SEZ6L2: variants seen among roughly 807,000 people sequenced by gnomAD.
SEZ6L2 encodes seizure 6-like protein 2.
A neutral mutation model predicts 97.0 loss-of-function variants in SEZ6L2; 44 were observed. The ratio of observed to expected loss-of-function variants is 0.45; its 90% CI spans 0.36 to 0.58. The LOEUF (loss-of-function observed/expected upper bound fraction) is 0.58. Ranked by LOEUF, SEZ6L2 falls within the 20% of genes least tolerant of loss-of-function variation. The pLI, the probability that SEZ6L2 is intolerant of heterozygous loss-of-function variation, is 0.00. For synonymous variants in SEZ6L2, 543 were observed against 546.1 expected, an observed-to-expected ratio of 0.99 and a Z score of 0.08; for missense variants, 1,086 against 1,233.3, an observed-to-expected ratio of 0.88 and a Z score of 1.79.
chr16:29,894,863 G>A (rs2068346226), intron 5 of SEZ6L2, among the ~76,000 whole-genome samples: 1 of 152,070 alleles, frequency 6.6e-6, no homozygotes. Flanking sequence ...TCGGCACCCT[G>A]TGCTTCGATG....
Position 29,885,654 on chromosome 16 carries a change from T to A in SEZ6L2, c.1304A>T (p.Gln435Leu). The A allele has an allele frequency of 6.2e-7, 1 of 1,614,056 alleles. No individual in the cohort carries two copies. The highest frequency in any genetic ancestry group is 1.1e-5 in the South Asian group (1 of 91,074). ...TGACAGCAGCTCCACGTAGAGGGACTGGGCGTCACTGATGAGACCCCGCTC... is the reference window on the plus strand; with the variant it reads ...TGACAGCAGCTCCACGTAGAGGGACAGGGCGTCACTGATGAGACCCCGCTC... ...VPERGLISDA[Q>L]SLYVELLSET... The change falls in exon 8 of 18, where the codon CAG (glutamine) becomes CTG (leucine). Residue 435 changes from glutamine (Q) to leucine (L), a missense_variant. By Grantham distance (113) the Gln-to-Leu change is moderately radical. Coordinates refer to ENST00000617533, the MANE Select transcript of SEZ6L2 (RefSeq NM_001243332.2).
At chr16:29,884,693 C>G (rs1362859170) in intron 8 of SEZ6L2, among the ~76,000 whole-genome samples, 1 of 151,906 alleles carries the variant, frequency 6.6e-6, no homozygotes, top group African/African-American at 2.4e-5. Flanking sequence ...GCGGGCAGAT[C>G]ACCTGAGTTC....
At chr16:29,888,996 A>T (rs1483823097) in intron 5 of SEZ6L2, among the ~76,000 whole-genome samples, 1 of 152,142 alleles carries the variant, frequency 6.6e-6, no homozygotes, top group East Asian at 1.9e-4. Flanking sequence ...GGTTCAAACA[A>T]GTTATTCTGG....
At chr16:29,885,867 G>A (rs534290304) in intron 7 of SEZ6L2, 118 bp from the exon 8 acceptor site, 35 of 965,914 alleles carry the variant, frequency 3.6e-5, no homozygotes, top group Admixed American at 2.9e-4. Context: ...TATATGCCAC[G>A]CACTCTTCTA....
chr16:29,877,350 G>A lies in SEZ6L2; in HGVS notation c.1830C>T (p.Pro610=), dbSNP rs530572484. ...QPRRRLLSSG[P]DLTLQFQAPP... is the part of the protein sequence containing the mutation. Reference sequence around the variant, plus strand: ...GTGCCTGAAACTGCAGTGTGAGGTCGGGCCCAGAGGAGAGAAGGCGGCGGC... The same window carrying A: ...GTGCCTGAAACTGCAGTGTGAGGTCAGGCCCAGAGGAGAGAAGGCGGCGGC... The change falls in exon 11 of 18, where the codon CCC becomes CCT. Residue 610 remains proline (P), a synonymous_variant. Transcript: ENST00000617533. 1.2e-6 allele frequency: 2 copies of A among 1,613,534 alleles called. No individual in the cohort carries two copies. Among genetic ancestry groups the A allele is most frequent in the African/African-American group, 1.3e-5 (1 of 75,052 alleles).
intron 5 of SEZ6L2, among the ~76,000 whole-genome samples, chr16:29,889,104 T>A (rs998921028): frequency 6.6e-6 from 1 of 152,136 alleles, no homozygotes; most frequent in Non-Finnish European, 1.5e-5. Flanking sequence ...CTTGTTCAGC[T>A]CCCAAAGTGA....
chr16:29,893,292 C>T (rs2068310573), intron 5 of SEZ6L2, among the ~76,000 whole-genome samples: 1 of 151,872 alleles, frequency 6.6e-6, no homozygotes, highest in Admixed American at 6.6e-5. Context: ...CCATTGCATT[C>T]CAGCCTGGCC....
rs759248195 is a variant in SEZ6L2 at position 29,877,368 on chromosome 16, G to A, written c.1812C>T (p.Arg604=). The stretch of plus-strand genomic sequence containing the variant: ...TGAGGTCGGGCCCAGAGGAGAGAAG[G>A]CGGCGGCGCGGCTGAGGTCCCCGCA... ...AQLRGPQPRR[R]LLSSGPDLTL... is the part of the protein sequence containing the mutation. The change falls in exon 11 of 18, where the codon CGC becomes CGT. Residue 604 remains arginine, a synonymous_variant. Coordinates refer to ENST00000617533, the MANE Select transcript of SEZ6L2 (RefSeq NM_001243332.2). The A allele has an allele frequency of 5.6e-6, 9 of 1,612,952 alleles. No homozygotes were observed. The Middle Eastern group carries it at 5.0e-4, about 89-fold the overall frequency.
intron 5 of SEZ6L2, among the ~76,000 whole-genome samples, chr16:29,889,011 C>T (rs371948079): frequency 2.0e-5 from 3 of 152,216 alleles, no homozygotes; most frequent in South Asian, 2.1e-4. Context: ...TTCTGGACCC[C>T]GCTACTCATT....
chr16:29,872,375 G>A (rs775466884), intron 16 of SEZ6L2, 34 bp downstream of exon 16: 149 of 1,608,524 alleles, frequency 9.3e-5, no homozygotes, highest in Non-Finnish European at 9.9e-5. Flanking sequence ...CAAGACGTCT[G>A]CCCTGGCCGG....
At chr16:29,897,736 G>A (rs2068435866) in intron 2 of SEZ6L2, 117 bp downstream of exon 2, 1 of 1,242,958 alleles carries the variant, frequency 8.0e-7, no homozygotes, top group Non-Finnish European at 1.1e-6. Flanking sequence ...CAGGAATGCA[G>A]GCTCTTTCCT....
chr16:29,887,620 G>A, intron 7 of SEZ6L2, 29 bp downstream of exon 7: 1 of 1,522,138 alleles, frequency 6.6e-7, no homozygotes, highest in Non-Finnish European at 8.8e-7. Context: ...CCAAGGTGGG[G>A]ACTTCTGACC....
chr16:29,873,592 A>G lies in SEZ6L2; in HGVS notation c.2242T>C (p.Tyr748His), dbSNP rs1416318760. The G allele has an allele frequency of 6.2e-7, 1 of 1,614,136 alleles. No homozygotes were observed. Reference sequence around the variant, plus strand: ...TTGGGTGTGCCTGTGTCCCGGCTGTAGCAGGTGAGCATGGCTGCCCCCTCG... The same window carrying G: ...TTGGGTGTGCCTGTGTCCCGGCTGTGGCAGGTGAGCATGGCTGCCCCCTCG... ...SLEGAAMLTCYSRDTGTPKWS... is the reference protein window; with the variant it reads ...SLEGAAMLTCHSRDTGTPKWS... Residue 748 changes from tyrosine (Y) to histidine (H), a missense_variant, in exon 13 of 18, where the codon TAC becomes CAC. By Grantham distance (83) the Tyr-to-His change is moderately conservative. This residue lies in a region of SEZ6L2 where 310 missense variants were observed against 438.6 expected (regional missense o/e 0.71). Coordinates refer to ENST00000617533, the MANE Select transcript of SEZ6L2 (RefSeq NM_001243332.2). The surrounding 1 kb of genome is among the most constrained non-coding windows in gnomAD (Gnocchi z 4.3).
chr16:29,892,078 G>A (rs144196188), intron 5 of SEZ6L2, among the ~76,000 whole-genome samples: 3 of 152,326 alleles, frequency 2.0e-5, no homozygotes, highest in Non-Finnish European at 4.4e-5. Context: ...CACTCTCAGG[G>A]TTTCTGTGAG....
rs1488324770 is a variant in SEZ6L2, at chr16:29,876,639, A to AG, written c.2104+116dup. On this transcript the variant is annotated intron_variant, in intron 12 of 17. Coordinates refer to ENST00000617533, the MANE Select transcript of SEZ6L2 (RefSeq NM_001243332.2). This position sits in a 1 kb window ranked among gnomAD's most constrained non-coding sequence, Gnocchi z 6.5. Reference sequence around the variant, plus strand: ...GGCAGGCCTTGAAGAAGATCCAGGAAGGACCCCGAGCGAAGGGATGGAACC... The same window carrying AG: ...GGCAGGCCTTGAAGAAGATCCAGGAAGGGACCCCGAGCGAAGGGATGGAACC... The AG allele has an allele frequency of 4.4e-5, 41 of 929,310 alleles. No individual in the cohort carries two copies. Among genetic ancestry groups the AG allele is most frequent in the Non-Finnish European group, 5.8e-5 (37 of 637,138 alleles). The allele number at this position is 929,310 out of a possible 1,614,324, so 57.6% of individuals were successfully genotyped here.
rs201225882 is a variant in SEZ6L2 at position 29,876,910 on chromosome 16, C to A, written c.1950G>T (p.Pro650=). 6.2e-7 allele frequency: 1 copy of A among 1,612,146 alleles called. No homozygotes were observed. The highest frequency in any genetic ancestry group is 2.2e-5 in the East Asian group (1 of 44,820). The change falls in exon 12 of 18, where the codon CCG becomes CCT. Residue 650 remains proline, a synonymous_variant. Coordinates refer to ENST00000617533, the MANE Select transcript of SEZ6L2 (RefSeq NM_001243332.2). The surrounding 1 kb of genome is among the most constrained non-coding windows in gnomAD (Gnocchi z 6.5). ...RNDTCPELPP[P]EWGWRTASHG... ...GGGATGCCGTTCTCCAGCCCCACTC[C>A]GGAGGTGGCAGCTCGGGGCACGTGT... is the stretch of plus-strand genomic sequence containing the variant.
rs1005119242 is a variant in SEZ6L2 at position 29,871,503 on chromosome 16, C to T, written c.*196G>A. On this transcript the variant is annotated 3_prime_UTR_variant, in exon 18 of 18. Coordinates refer to ENST00000617533, the MANE Select transcript of SEZ6L2 (RefSeq NM_001243332.2). ...CCCTCGTTTGGCAACTGAGAAGAGG[C>T]GGCTTTGGGCGGCAGGATGCTGGTT... 23 of 632,676 alleles carry T rather than the reference C, an allele frequency of 3.6e-5. No homozygotes were observed. Among genetic ancestry groups the T allele is most frequent in the East Asian group, 1.4e-4 (5 of 36,344 alleles). 39.2% of individuals were successfully genotyped at this position (632,676 alleles called of 1,614,324 possible). A position where few individuals can be genotyped will look rare whatever the true frequency, so the allele number is the denominator to read the frequency against.
rs1312358726 is a variant in SEZ6L2 at position 29,876,674 on chromosome 16, C to T, written c.2104+82G>A. ...GCGAAGGGATGGAACCCAGAAAGCA[C>T]GGGGGTCGGGACAGGACAGGCCGAC... is the stretch of plus-strand genomic sequence containing the variant. On this transcript the variant is annotated intron_variant, in intron 12 of 17. Coordinates refer to ENST00000617533, the MANE Select transcript of SEZ6L2 (RefSeq NM_001243332.2). The surrounding 1 kb of genome is among the most constrained non-coding windows in gnomAD (Gnocchi z 6.5). 14 of 1,291,458 alleles carry T rather than the reference C, an allele frequency of 1.1e-5. No individual in the cohort carries two copies. In the East Asian group the frequency reaches 3.4e-4, roughly 31 times the overall value. The allele number at this position is 1,291,458 out of a possible 1,614,324, so 80.0% of individuals were successfully genotyped here. A position where few individuals can be genotyped will look rare whatever the true frequency, so the allele number is the denominator to read the frequency against.
rs1288508726 is a variant in SEZ6L2 at position 29,899,496 on chromosome 16, G to A, written c.-477C>T. On this transcript the variant is annotated 5_prime_UTR_variant, in exon 1 of 18. Transcript: ENST00000617533. ...GTCGGGGAGGGGAAGGGGTGGGTTGGGGAACTGGGAGAGCCGAAGCTCGGG... is the reference window on the plus strand; with the variant it reads ...GTCGGGGAGGGGAAGGGGTGGGTTGAGGAACTGGGAGAGCCGAAGCTCGGG... The A allele has an allele frequency of 6.4e-6, 1 of 156,218 alleles. No individual in the cohort carries two copies. Among genetic ancestry groups the A allele is most frequent in the East Asian group, 1.9e-4 (1 of 5,194 alleles). 9.7% of individuals were successfully genotyped at this position (156,218 alleles called of 1,614,324 possible).
Sources: allele counts gnomAD v4.1 joint callset (sites outside exome capture counted in the v4.1 genomes callset), GRCh38; gene constraint gnomAD v4.1.1; regional missense constraint gnomAD v4.1.1; non-coding constraint Gnocchi (gnomAD v3.1); transcripts MANE v1.5; gene names NCBI Gene and HGNC (gene_info 2026-07-23, HGNC 2026-07-21).